The following GALNT9 variants were observed in gnomAD, a reference collection of about 807,000 sequenced individuals.
GALNT9 encodes GalNAc transferase 9.
GALNT9 carries 47 observed loss-of-function variants against 63.1 expected under a neutral mutation model. The ratio of observed to expected loss-of-function variants is 0.75; its 90% CI spans 0.59 to 0.95. The LOEUF (loss-of-function observed/expected upper bound fraction) is 0.95. Among genes scored for constraint, GALNT9 ranks in the 40% least tolerant of loss-of-function variants. The probability of loss-of-function intolerance (pLI) is 0.00; values close to 1 mark genes in which losing one functional copy is unlikely to be tolerated. For synonymous variants in GALNT9, 396 were observed against 365.7 expected (o/e 1.08, Z -0.94); for missense variants, 829 against 874.8 (o/e 0.95, Z 0.66).
chr12:132,255,760 T>C (rs1555238986), intron 5 of GALNT9, among the ~76,000 whole-genome samples: 5 of 152,218 alleles, frequency 3.3e-5, no homozygotes, highest in African/African-American at 1.2e-4. Flanking sequence ...CCCTAAAACA[T>C]ACACATCCAG....
At chr12:132,219,105 C>T (rs1046538992) in intron 6 of GALNT9, among the ~76,000 whole-genome samples, 3 of 152,154 alleles carry the variant, frequency 2.0e-5, no homozygotes, top group Non-Finnish European at 4.4e-5. Context: ...GGTCCCACCC[C>T]CCTCCACACA....
At chr12:132,239,800 A>G (rs1443306593) in intron 6 of GALNT9, among the ~76,000 whole-genome samples, 2 of 152,190 alleles carry the variant, frequency 1.3e-5, no homozygotes, top group African/African-American at 4.8e-5. Flanking sequence ...ACAGATGCAG[A>G]GACAGAGATA....
chr12:132,255,912 C>T (rs1198338959), intron 5 of GALNT9, among the ~76,000 whole-genome samples: 1 of 152,134 alleles, frequency 6.6e-6, no homozygotes, highest in Non-Finnish European at 1.5e-5. Flanking sequence ...AACATGGCCC[C>T]ATCTCGTTGC....
intron 1 of GALNT9, among the ~76,000 whole-genome samples, chr12:132,306,505 G>T (rs1318345287): frequency 6.6e-6 from 1 of 152,212 alleles, no homozygotes; most frequent in African/African-American, 2.4e-5. Flanking sequence ...TAGACTGTGG[G>T]CAACAAGTTC....
chr12:132,254,602 G>A (rs140626978), intron 5 of GALNT9, among the ~76,000 whole-genome samples: 179 of 152,300 alleles, frequency 1.2e-3, no homozygotes, highest in Non-Finnish European at 1.9e-3. Context: ...TGGGGCTCTC[G>A]CCCAGACTTT....
rs545657407 is a variant in GALNT9 at position 132,252,074 on chromosome 12, T to C, written c.960-4047A>G. Among the ~76,000 whole-genome samples, 2 of 152,238 alleles carry C rather than the reference T, an allele frequency of 1.3e-5. No individual in the cohort carries two copies. Among genetic ancestry groups the C allele is most frequent in the East Asian group, 3.9e-4 (2 of 5,172 alleles). On this transcript the variant is annotated intron_variant, in intron 5 of 10. Transcript: ENST00000328957. The surrounding 1 kb of genome is among the most constrained non-coding windows in gnomAD (Gnocchi z 5.2). Reference sequence around the variant, plus strand: ...TGATGAGGATGGTCCCCAGCGTCTGTCTGGGAGAAAGGAGCAGGGGAGCAG... The same window carrying C: ...TGATGAGGATGGTCCCCAGCGTCTGCCTGGGAGAAAGGAGCAGGGGAGCAG...
At chr12:132,219,058 G>T (rs1239076023) in intron 6 of GALNT9, among the ~76,000 whole-genome samples, 1 of 152,096 alleles carries the variant, frequency 6.6e-6, no homozygotes, top group Non-Finnish European at 1.5e-5. Flanking sequence ...GGAGCCGTTC[G>T]AGGAGAGCAG....
chr12:132,268,912 G>A (rs530108324), intron 2 of GALNT9, among the ~76,000 whole-genome samples: 34 of 152,348 alleles, frequency 2.2e-4, no homozygotes, highest in Admixed American at 2.0e-3. Flanking sequence ...GGGCCGGAAC[G>A]CCCACGTGTG....
chr12:132,255,923 G>A (rs537762279), intron 5 of GALNT9, among the ~76,000 whole-genome samples: 5 of 151,864 alleles, frequency 3.3e-5, no homozygotes, highest in South Asian at 2.1e-4. Context: ...ATCTCGTTGC[G>A]GCTGTCTGCT....
chr12:132,201,002 G>C (rs538544992), intron 8 of GALNT9, 122 bp downstream of exon 8: 3 of 983,852 alleles, frequency 3.0e-6, no homozygotes, highest in South Asian at 3.4e-5. Context: ...GGGACCCTCT[G>C]GGGGAGGCGC....
chr12:132,285,477 A>G (rs1203802119), intron 2 of GALNT9, among the ~76,000 whole-genome samples: 3 of 152,392 alleles, frequency 2.0e-5, no homozygotes, highest in South Asian at 2.1e-4. Flanking sequence ...TCAGCGACCA[A>G]GCTCCATCCT....
chr12:132,284,696 A>C (rs1356210103), intron 2 of GALNT9: 3 of 152,246 alleles, frequency 2.0e-5, no homozygotes, highest in South Asian at 2.1e-4. Context: ...TCCAGGAGGA[A>C]TCAGAGCCTC....
intron 2 of GALNT9, chr12:132,284,142 C>A (rs1176385160): frequency 6.6e-6 from 1 of 151,850 alleles, no homozygotes; most frequent in East Asian, 1.9e-4. Flanking sequence ...CACGCACACC[C>A]ACGCACATGC....
intron 1 of GALNT9, among the ~76,000 whole-genome samples, chr12:132,314,032 C>T (rs1361605771): frequency 3.4e-5 from 2 of 58,970 alleles, no homozygotes; most frequent in African/African-American, 1.0e-4. Flanking sequence ...CATCCATCCA[C>T]TCACCCACCC....
chr12:132,318,848 A>G (rs1376075997), intron 1 of GALNT9, among the ~76,000 whole-genome samples: 2 of 152,226 alleles, frequency 1.3e-5, no homozygotes, highest in African/African-American at 4.8e-5. Flanking sequence ...CCAGTCCCAC[A>G]GGGCACTCCT....
chr12:132,208,988 T>C (rs1321550594), intron 6 of GALNT9, among the ~76,000 whole-genome samples: 1 of 152,198 alleles, frequency 6.6e-6, no homozygotes, highest in Non-Finnish European at 1.5e-5. Context: ...CTCTGGTAAC[T>C]CTCAGGTGTC....
chr12:132,215,169 C>A (rs552681283), intron 6 of GALNT9, among the ~76,000 whole-genome samples: 138 of 152,300 alleles, frequency 9.1e-4, no homozygotes, highest in African/African-American at 3.1e-3. Context: ...GTGGCCGCTT[C>A]GGCAGAACAG....
intron 6 of GALNT9, among the ~76,000 whole-genome samples, chr12:132,219,686 TGACACCCGCCCGG>T (rs1877358956): frequency 7.5e-6 from 1 of 133,230 alleles, no homozygotes; most frequent in Non-Finnish European, 1.6e-5. Flanking sequence ...CTCCCCAGGG[TGACACCCGCCCGG>T]GTAAGGGGAA....
chr12:132,272,608 A>G (rs1555240855), intron 2 of GALNT9: 6 of 152,266 alleles, frequency 3.9e-5, no homozygotes. Flanking sequence ...TAAATTGGAA[A>G]TAATGGAACA....
Sources: allele counts gnomAD v4.1 joint callset (sites outside exome capture counted in the v4.1 genomes callset), GRCh38; gene constraint gnomAD v4.1.1; non-coding constraint Gnocchi (gnomAD v3.1); transcripts MANE v1.5; gene names NCBI Gene and HGNC (gene_info 2026-07-23, HGNC 2026-07-21).